CDH8: variants seen among roughly 807,000 people sequenced by gnomAD.
CDH8 encodes cadherin 8, also known as cadherin-8.
A neutral mutation model predicts 68.1 loss-of-function variants in CDH8; 17 were observed. That is an observed-to-expected ratio of 0.25 (90% CI 0.17 to 0.37). The LOEUF (loss-of-function observed/expected upper bound fraction) is 0.37, where lower values mean the gene tolerates loss of function less well. Among genes scored for constraint, CDH8 ranks in the 10% least tolerant of loss-of-function variants. The pLI is 1.00. For missense variants in CDH8, 763 were observed against 999.3 expected (o/e 0.76, Z 3.19); for synonymous variants, 372 against 365.1 (o/e 1.02, Z -0.21).
intron 8 of CDH8, among the ~76,000 whole-genome samples, chr16:61,758,882 G>A (rs1960390562): frequency 6.6e-6 from 1 of 152,124 alleles, no homozygotes; most frequent in Non-Finnish European, 1.5e-5. Flanking sequence ...AAGGTCCTCT[G>A]AGGAGCTTAA....
intron 4 of CDH8, among the ~76,000 whole-genome samples, chr16:61,837,279 C>T (rs1019465062): frequency 3.9e-5 from 6 of 151,900 alleles, no homozygotes; most frequent in African/African-American, 7.3e-5. Context: ...TTATAATCAC[C>T]GGTTCTCATT....
At chr16:61,949,791 G>A (rs1193868949) in intron 2 of CDH8, among the ~76,000 whole-genome samples, 1 of 151,920 alleles carries the variant, frequency 6.6e-6, no homozygotes, top group Non-Finnish European at 1.5e-5. Context: ...AGACCAACCT[G>A]GGCAACATGG....
chr16:61,699,947 A>G lies in CDH8; in HGVS notation c.1654+13894T>C, dbSNP rs950883565. On this transcript the variant is annotated intron_variant, in intron 10 of 11. Transcript: ENST00000577390. The stretch of plus-strand genomic sequence containing the variant: ...TTCTTTTCATAAGCCAATGTGCTTT[A>G]TTAATGGAAATATTATATTTCTTTG... 2.0e-5 allele frequency among the ~76,000 whole-genome samples: 3 copies of G among 152,316 alleles called. No homozygotes were observed. In the East Asian group the frequency reaches 5.8e-4, roughly 29 times the overall value.
At chr16:61,830,652 A>G (rs138504344) in intron 4 of CDH8, among the ~76,000 whole-genome samples, 3 of 151,878 alleles carry the variant, frequency 2.0e-5, no homozygotes, top group African/African-American at 7.2e-5. Context: ...CACATTCTCA[A>G]CACTCAGCAA....
chr16:61,866,839 T>C (rs150020709), intron 3 of CDH8, among the ~76,000 whole-genome samples: 90 of 152,310 alleles, frequency 5.9e-4, no homozygotes, highest in African/African-American at 2.1e-3. Flanking sequence ...ACACACTCTG[T>C]GCTCTCCAGA....
intron 9 of CDH8, among the ~76,000 whole-genome samples, chr16:61,720,000 C>CAA (rs139862703): frequency 0.024 from 3,630 of 148,900 alleles, 272 homozygotes; most frequent in East Asian, 0.23. Context: ...AGGTAACACA[C>CAA]ACACACACAC....
chr16:61,865,819 A>T (rs1308449576), intron 3 of CDH8, among the ~76,000 whole-genome samples: 1 of 152,234 alleles, frequency 6.6e-6, no homozygotes, highest in African/African-American at 2.4e-5. Context: ...TGAGAACTAA[A>T]TAGCACCATA....
At chr16:61,757,989 T>G (rs1009282538) in intron 8 of CDH8, among the ~76,000 whole-genome samples, 1 of 152,156 alleles carries the variant, frequency 6.6e-6, no homozygotes, top group African/African-American at 2.4e-5. Context: ...AATGACAACG[T>G]TAAGCATGTG....
At chr16:61,782,793 G>C (rs1477028986) in intron 8 of CDH8, among the ~76,000 whole-genome samples, 1 of 152,112 alleles carries the variant, frequency 6.6e-6, no homozygotes, top group Non-Finnish European at 1.5e-5. Context: ...TGACCCCTGA[G>C]CAGCCTAACT....
chr16:61,915,845 G>T (rs1318847782), intron 2 of CDH8, among the ~76,000 whole-genome samples: 1 of 152,110 alleles, frequency 6.6e-6, no homozygotes, highest in Non-Finnish European at 1.5e-5. Context: ...AAGCTTTTGG[G>T]AAATCTAGCA....
In CDH8 at chr16:61,653,377, T is replaced by C. The variant is rs1330411678; in HGVS notation, c.*231A>G. 1.5e-6 allele frequency: 2 copies of C among 1,322,028 alleles called. No homozygotes were observed. Among genetic ancestry groups the C allele is most frequent in the Non-Finnish European group, 1.9e-6 (2 of 1,041,296 alleles). The allele number at this position is 1,322,028 out of a possible 1,614,324, so 81.9% of individuals were successfully genotyped here. A position where few individuals can be genotyped will look rare whatever the true frequency, so the allele number is the denominator to read the frequency against. ...GGTAAATATCAAATATCCAAGGACT[T>C]CTAGACACTCCACATACTTAATTCA... On this transcript the variant is annotated 3_prime_UTR_variant, in exon 12 of 12. Transcript: ENST00000577390.
intron 2 of CDH8, among the ~76,000 whole-genome samples, chr16:61,954,255 A>G (rs1025793725): frequency 5.9e-5 from 9 of 152,068 alleles, no homozygotes; most frequent in African/African-American, 2.2e-4. Context: ...CCCATTATAT[A>G]TGATGTCCAT....
At chr16:61,782,024 A>AC (rs1961071536) in intron 8 of CDH8, among the ~76,000 whole-genome samples, 1 of 152,184 alleles carries the variant, frequency 6.6e-6, no homozygotes, top group African/African-American at 2.4e-5. Context: ...CTACATATCA[A>AC]CTTGACTGCA....
intron 8 of CDH8, among the ~76,000 whole-genome samples, chr16:61,745,080 G>A (rs1429914580): frequency 6.8e-6 from 1 of 147,430 alleles, no homozygotes; most frequent in Non-Finnish European, 1.5e-5. Context: ...AAAAACTGCT[G>A]CTAATGCATT....
intron 8 of CDH8, among the ~76,000 whole-genome samples, chr16:61,755,688 G>C (rs1295423485): frequency 6.6e-6 from 1 of 151,620 alleles, no homozygotes; most frequent in Non-Finnish European, 1.5e-5. Flanking sequence ...TGTTATCCAC[G>C]CATCACACAT....
chr16:61,810,356 A>T (rs1961912208), intron 7 of CDH8, among the ~76,000 whole-genome samples: 1 of 152,116 alleles, frequency 6.6e-6, no homozygotes, highest in Admixed American at 6.6e-5. Context: ...AATAAATAAT[A>T]TTATCTGAGT....
intron 10 of CDH8, among the ~76,000 whole-genome samples, chr16:61,700,525 C>T (rs187436168): frequency 1.8e-4 from 27 of 152,222 alleles, no homozygotes; most frequent in Admixed American, 1.6e-3. Flanking sequence ...GTGATCCCCC[C>T]ACCTCGGCCT....
chr16:61,663,114 A>G (rs1361071059), intron 10 of CDH8, among the ~76,000 whole-genome samples: 5 of 151,960 alleles, frequency 3.3e-5, no homozygotes, highest in Non-Finnish European at 5.9e-5. Flanking sequence ...AGTAGAATTG[A>G]GTTTCCTTCT....
chr16:61,894,717 G>A (rs1470871953), intron 3 of CDH8, among the ~76,000 whole-genome samples: 1 of 152,086 alleles, frequency 6.6e-6, no homozygotes, highest in Non-Finnish European at 1.5e-5. Flanking sequence ...TTTACACAAG[G>A]AGAAAGACTG....
Sources: allele counts gnomAD v4.1 joint callset (sites outside exome capture counted in the v4.1 genomes callset), GRCh38; gene constraint gnomAD v4.1.1; transcripts MANE v1.5; gene names NCBI Gene and HGNC (gene_info 2026-07-23, HGNC 2026-07-21).